DIP2C: variants seen among roughly 807,000 people sequenced by gnomAD.
The protein encoded by DIP2C is DIP2 acetate--CoA ligase C (putative).
DIP2C carries 33 observed loss-of-function variants against 192.4 expected under a neutral mutation model. That is an observed-to-expected ratio of 0.17 (90% CI 0.13 to 0.23). The LOEUF is 0.23. DIP2C is among the 10% of genes least tolerant of loss of function. The pLI is 1.00. For synonymous variants in DIP2C, 979 were observed against 864.1 expected (o/e 1.13, Z -2.33); for missense variants, 1,537 against 2,110.1 (o/e 0.73, Z 5.32).
At chr10:384,713 G>A in intron 14 of DIP2C, 74 bp from the exon 15 acceptor site, 14 of 1,484,748 alleles carry the variant, frequency 9.4e-6, no homozygotes, top group Non-Finnish European at 1.2e-5. Context: ...CCAGTGGCAT[G>A]GACACTAGGC....
At chr10:365,721 C>T (rs941959886) in intron 19 of DIP2C, among the ~76,000 whole-genome samples, 3 of 152,262 alleles carry the variant, frequency 2.0e-5, no homozygotes, top group South Asian at 2.1e-4. Context: ...TCTGTGCACA[C>T]GCCCCATGCA....
chr10:296,386 C>T (rs1955753449), intron 32 of DIP2C, among the ~76,000 whole-genome samples: 1 of 151,808 alleles, frequency 6.6e-6, no homozygotes, highest in African/African-American at 2.4e-5. Context: ...AGTCAGGAAA[C>T]AACAGGTGCT....
intron 1 of DIP2C, among the ~76,000 whole-genome samples, chr10:589,062 T>A (rs1165658587): frequency 6.6e-6 from 1 of 152,126 alleles, no homozygotes; most frequent in Non-Finnish European, 1.5e-5. Flanking sequence ...GCAGCTGCAA[T>A]GCACATCTCG....
At position 421,190 on chromosome 10, in the gene DIP2C, G is replaced by A. The variant is rs186279186; in HGVS notation, c.604+1634C>T. ...AGAAATTACCGGAATGTGGTCACCCGAGAGTTACATTTGGGTCACACTGAG... is the reference window on the plus strand; with the variant it reads ...AGAAATTACCGGAATGTGGTCACCCAAGAGTTACATTTGGGTCACACTGAG... On this transcript the variant is annotated intron_variant, in intron 5 of 36. Coordinates refer to ENST00000280886, the MANE Select transcript of DIP2C (RefSeq NM_014974.3). Among the ~76,000 whole-genome samples, 311 of 152,260 alleles carry A rather than the reference G, an allele frequency of 2.0e-3. 1 individual carries two copies. Among genetic ancestry groups the A allele is most frequent in the Middle Eastern group, 0.01 (3 of 294 alleles).
chr10:471,805 T>C (rs913905280), intron 3 of DIP2C, among the ~76,000 whole-genome samples: 42 of 152,276 alleles, frequency 2.8e-4, no homozygotes, highest in Admixed American at 6.5e-4. Context: ...CAGGCTGGAG[T>C]GCAGTGGCGT....
chr10:316,896 A>C (rs114690944), intron 31 of DIP2C, among the ~76,000 whole-genome samples: 3 of 152,162 alleles, frequency 2.0e-5, no homozygotes, highest in African/African-American at 7.2e-5. Context: ...CATGGGAAAA[A>C]CCACATACAG....
chr10:678,725 C>T (rs1830975191), intron 1 of DIP2C, among the ~76,000 whole-genome samples: 1 of 21,384 alleles, frequency 4.7e-5, no homozygotes, highest in Non-Finnish European at 2.4e-4. Flanking sequence ...GCTCCCCACA[C>T]CCGTGCTCCC....
At chr10:304,940 G>A (rs1956238722) in intron 32 of DIP2C, among the ~76,000 whole-genome samples, 1 of 152,104 alleles carries the variant, frequency 6.6e-6, no homozygotes, top group East Asian at 1.9e-4. Flanking sequence ...ATATTTGTAT[G>A]CACACACACG....
intron 34 of DIP2C, 112 bp from the exon 35 acceptor site, chr10:283,558 C>T: frequency 2.3e-6 from 3 of 1,296,796 alleles, no homozygotes; most frequent in South Asian, 2.8e-5. Flanking sequence ...GTAAACGTTT[C>T]CTTGGACTGA....
Position 549,324 on chromosome 10 carries a change from C to T in DIP2C, c.86-62794G>A, listed in dbSNP as rs188331646. 3.9e-5 allele frequency among the ~76,000 whole-genome samples: 6 copies of T among 152,268 alleles called. No individual in the cohort carries two copies. The East Asian group carries it at 1.2e-3, about 29-fold the overall frequency. On this transcript the variant is annotated intron_variant, in intron 1 of 36. Transcript: ENST00000280886. ...GCTATGTCTCAATTAACACACAGCA[C>T]CCTTTGGAGCAGACAGTCCATTGCT...
At chr10:505,223 C>T (rs1315287744) in intron 1 of DIP2C, among the ~76,000 whole-genome samples, 3 of 152,080 alleles carry the variant, frequency 2.0e-5, no homozygotes, top group Non-Finnish European at 4.4e-5. Context: ...TAACCGGCAC[C>T]TCATCAACAC....
chr10:647,721 G>A (rs1164196479), intron 1 of DIP2C, among the ~76,000 whole-genome samples: 2 of 151,576 alleles, frequency 1.3e-5, no homozygotes, highest in Non-Finnish European at 2.9e-5. Context: ...TGGATGGTGG[G>A]AGAGAACAGA....
intron 32 of DIP2C, among the ~76,000 whole-genome samples, chr10:289,206 G>A (rs1027789901): frequency 9.3e-5 from 14 of 151,096 alleles, no homozygotes; most frequent in African/African-American, 3.4e-4. Flanking sequence ...CTCCCACCTG[G>A]GGACAGGGTG....
chr10:579,891 C>G (rs564690632), intron 1 of DIP2C, among the ~76,000 whole-genome samples: 21 of 151,558 alleles, frequency 1.4e-4, no homozygotes, highest in Non-Finnish European at 2.5e-4. Context: ...GTACATGCAT[C>G]TAGCACACAA....
At chr10:536,488 G>A (rs902472890) in intron 1 of DIP2C, among the ~76,000 whole-genome samples, 3 of 152,204 alleles carry the variant, frequency 2.0e-5, no homozygotes, top group African/African-American at 4.8e-5. Flanking sequence ...TCCCCATAGG[G>A]ACATCACAGT....
chr10:600,435 G>C (rs2131693200), intron 1 of DIP2C, among the ~76,000 whole-genome samples: 1 of 152,270 alleles, frequency 6.6e-6, no homozygotes, highest in African/African-American at 2.4e-5. Context: ...GACAGCCCAG[G>C]GTGTGCAGAT....
At chr10:452,485 C>T (rs1263198385) in intron 3 of DIP2C, among the ~76,000 whole-genome samples, 1 of 152,156 alleles carries the variant, frequency 6.6e-6, no homozygotes, top group African/African-American at 2.4e-5. Flanking sequence ...GAATCTACCT[C>T]CATGTGCTAA....
intron 1 of DIP2C, among the ~76,000 whole-genome samples, chr10:619,541 G>GCCCTCCCTCCCTCCCTCCCGCCCTCCCT (rs1554757196): frequency 1.5e-5 from 1 of 67,896 alleles, no homozygotes; most frequent in African/African-American, 3.5e-5. Flanking sequence ...CCGCCCGCCC[G>GCCCTCCCTCCCTCCCTCCCGCCCTCCCT]CCCTCCCACC....
At chr10:372,693 A>G (rs943046175) in intron 17 of DIP2C, among the ~76,000 whole-genome samples, 6 of 149,326 alleles carry the variant, frequency 4.0e-5, no homozygotes, top group Non-Finnish European at 1.5e-5. Context: ...AGGTCCCGAC[A>G]CACAGCCAGG....
Sources: gnomAD v4.1 joint callset for allele counts (sites outside exome capture counted in the v4.1 genomes callset) on GRCh38, gnomAD v4.1.1 for gene constraint, MANE v1.5 for transcripts, NCBI Gene and HGNC (gene_info 2026-07-23, HGNC 2026-07-21) for gene names.